The following FN1 variants were observed in gnomAD, a reference collection of about 807,000 sequenced individuals.
FN1 encodes the protein fibronectin.
In FN1, 106 loss-of-function variants were observed where a neutral mutation model predicts 297.3. That is an observed-to-expected ratio of 0.36 (90% CI 0.30 to 0.42). The LOEUF (loss-of-function observed/expected upper bound fraction) is 0.42. FN1 is among the 10% of genes least tolerant of loss of function. The pLI is 1.00. For synonymous variants in FN1, 1,149 were observed against 1,152.6 expected, an observed-to-expected ratio of 1.00 and a Z score of 0.06; for missense variants, 2,690 against 3,124.9, an observed-to-expected ratio of 0.86 and a Z score of 3.32.
At chr2:215,362,341 T>G (rs1018620600) in intron 44 of FN1, 1 of 472,702 alleles carries the variant, frequency 2.1e-6, no homozygotes, top group Non-Finnish European at 3.9e-6. Context: ...ATTCAAACCT[T>G]GCCCATCTGC....
chr2:215,412,284 G>C (rs2062767880), intron 13 of FN1, among the ~76,000 whole-genome samples: 1 of 151,618 alleles, frequency 6.6e-6, no homozygotes, highest in African/African-American at 2.4e-5. Context: ...CAATGAGAAA[G>C]ACACGATTCC....
At position 215,375,335 on chromosome 2, in the gene FN1, T is replaced by C; in HGVS notation, c.6036A>G (p.Val2012=). The change falls in exon 38 of 46, where the codon GTA becomes GTG. Residue 2012 remains valine, a synonymous_variant. Transcript: ENST00000354785. ...FLATTPNSLL[V]SWQPPRARIT... ...TCCTGGCACGTGGCGGCTGCCATGA[T>C]ACCAGCAAGGAATTGGGTGTGGTGG... The C allele has an allele frequency of 3.1e-6, 5 of 1,614,182 alleles. No homozygotes were observed. The highest frequency in any genetic ancestry group is 4.2e-6 in the Non-Finnish European group (5 of 1,180,034).
intron 39 of FN1, 53 bp from the exon 40 acceptor site, chr2:215,372,428 G>A: frequency 2.3e-6 from 3 of 1,304,100 alleles, no homozygotes; most frequent in Non-Finnish European, 3.3e-6. Flanking sequence ...GCTCCAGGAA[G>A]TAGCAGCAAT....
At chr2:215,410,393 C>T (rs2062434890) in intron 13 of FN1, among the ~76,000 whole-genome samples, 1 of 152,166 alleles carries the variant, frequency 6.6e-6, no homozygotes, top group African/African-American at 2.4e-5. Context: ...ATTTAGTCTC[C>T]ATATCCTTCT....
intron 23 of FN1, among the ~76,000 whole-genome samples, chr2:215,396,142 T>A (rs2060286827): frequency 6.6e-6 from 1 of 152,212 alleles, no homozygotes; most frequent in Non-Finnish European, 1.5e-5. Flanking sequence ...TACTTTTTTT[T>A]AAACAAAAAT....
At chr2:215,410,444 G>GTTTTACA (rs2062446033) in intron 13 of FN1, among the ~76,000 whole-genome samples, 1 of 151,758 alleles carries the variant, frequency 6.6e-6, no homozygotes, top group Non-Finnish European at 1.5e-5. Context: ...TTTTACAGAC[G>GTTTTACA]GAAAAACAGA....
intron 12 of FN1, among the ~76,000 whole-genome samples, chr2:215,418,446 T>C (rs991194593): frequency 6.6e-6 from 1 of 152,170 alleles, no homozygotes; most frequent in Non-Finnish European, 1.5e-5. Flanking sequence ...ACCCTGAAAC[T>C]CTTTTGTTTC....
chr2:215,368,368 G>T (rs1190139399), intron 41 of FN1, among the ~76,000 whole-genome samples: 1 of 152,174 alleles, frequency 6.6e-6, no homozygotes, highest in African/African-American at 2.4e-5. Context: ...GACTAATGAT[G>T]CCTCTCCATT....
intron 5 of FN1, among the ~76,000 whole-genome samples, 172 bp downstream of exon 5, chr2:215,430,543 C>G (rs969157788): frequency 2.0e-5 from 3 of 152,150 alleles, no homozygotes; most frequent in African/African-American, 7.2e-5. Flanking sequence ...TTTATGTAGT[C>G]TTCTCTGAAG....
intron 35 of FN1, 65 bp downstream of exon 35, chr2:215,378,110 T>C: frequency 9.9e-7 from 1 of 1,011,320 alleles, no homozygotes; most frequent in Non-Finnish European, 1.6e-6. Flanking sequence ...ACCCCACTGA[T>C]TTACCATTCT....
chr2:215,364,974 A>G lies in FN1; in HGVS notation c.7156T>C (p.Cys2386Arg). ...EFKCDPHEAT[C>R]YDDGKTYHVG... ...TGGTATGTCTTCCCATCATCATAAC[A>G]CGTTGCCTCATCTGCATATAGACAC... Residue 2386 changes from cysteine to arginine, a missense_variant, in exon 44 of 46, where the codon TGT (cysteine) becomes CGT (arginine). Coordinates refer to ENST00000354785, the MANE Select transcript of FN1 (RefSeq NM_212482.4). 6.4e-7 allele frequency: 1 copy of G among 1,573,014 alleles called. No individual in the cohort carries two copies. The highest frequency in any genetic ancestry group is 8.6e-7 in the Non-Finnish European group (1 of 1,157,284).
chr2:215,434,091 ACT>A (rs531095248), intron 2 of FN1, among the ~76,000 whole-genome samples: 152 of 152,298 alleles, frequency 1.0e-3, no homozygotes, highest in South Asian at 4.1e-3. Context: ...ACAGAGCAAG[ACT>A]CTGTCTCAAA....
rs939429265 is a variant in FN1, at chr2:215,397,240, T to C, written c.3518-17A>G. ...GAGACAATGCTATGCAGAAAGAACA[T>C]TTTAAAAGTCAAAGCTGACACAAAG... On this transcript the variant is annotated splice_polypyrimidine_tract_variant and intron_variant, in intron 22 of 45. Coordinates refer to ENST00000354785, the MANE Select transcript of FN1 (RefSeq NM_212482.4). 17 of 1,586,686 alleles carry C rather than the reference T, an allele frequency of 1.1e-5. No homozygotes were observed. Among genetic ancestry groups the C allele is most frequent in the African/African-American group, 2.7e-5 (2 of 74,316 alleles).
chr2:215,369,419 C>T (rs1346272976), intron 41 of FN1, among the ~76,000 whole-genome samples: 1 of 152,166 alleles, frequency 6.6e-6, no homozygotes, highest in African/African-American at 2.4e-5. Flanking sequence ...GGAATTTATA[C>T]ATGTAAAGTA....
At chr2:215,393,339 A>G (rs1476052456) in intron 24 of FN1, 136 bp from the exon 25 acceptor site, 1 of 779,798 alleles carries the variant, frequency 1.3e-6, no homozygotes, top group Admixed American at 2.8e-5. Flanking sequence ...GGTAATATGC[A>G]ATCTGTTTTA....
At chr2:215,371,885 G>T (rs2056249595) in intron 40 of FN1, 24 bp downstream of exon 40, 1 of 1,576,216 alleles carries the variant, frequency 6.3e-7, no homozygotes, top group African/African-American at 1.4e-5. Flanking sequence ...TGCCCCATGA[G>T]AAGTGAAGAG....
At chr2:215,416,480 T>C (rs909502243) in intron 12 of FN1, among the ~76,000 whole-genome samples, 2 of 152,180 alleles carry the variant, frequency 1.3e-5, no homozygotes, top group Non-Finnish European at 2.9e-5. Flanking sequence ...AAGAAAAATT[T>C]TGGAGATGTG....
chr2:215,393,253 G>GA lies in FN1; in HGVS notation c.3797-51dup, dbSNP rs754852127. 7.6e-5 allele frequency: 119 copies of GA among 1,572,964 alleles called. 1 individual carries two copies. In the South Asian group the frequency reaches 9.6e-4, roughly 13 times the overall value. ...GGGGGAGGCAAAAGGAAAATAGAGG[G>GA]AAAAAAAGAGGAAAAAATAAAGCAG... On this transcript the variant is annotated intron_variant, in intron 24 of 45. Transcript: ENST00000354785.
chr2:215,394,307 A>G (rs1488736075), intron 24 of FN1, among the ~76,000 whole-genome samples: 1 of 152,236 alleles, frequency 6.6e-6, no homozygotes, highest in African/African-American at 2.4e-5. Flanking sequence ...TACTCGCTGC[A>G]ACACACAGCA....
Sources: allele counts gnomAD v4.1 joint callset (sites outside exome capture counted in the v4.1 genomes callset), GRCh38; gene constraint gnomAD v4.1.1; transcripts MANE v1.5; gene names NCBI Gene and HGNC (gene_info 2026-07-23, HGNC 2026-07-21).